The following GRIN2A variants were observed in gnomAD, a reference collection of about 807,000 sequenced individuals.
GRIN2A encodes glutamate receptor ionotropic, NMDA 2A.
In GRIN2A, 22 loss-of-function variants were observed where a neutral mutation model predicts 113.4. That is an observed-to-expected ratio of 0.19 (90% CI 0.14 to 0.28). The LOEUF is 0.28. GRIN2A is among the 10% of genes least tolerant of loss of function. GRIN2A has a pLI of 1.00. For synonymous variants in GRIN2A, 827 were observed against 738.4 expected (o/e 1.12, Z -1.94); for missense variants, 1,502 against 1,887.0 (o/e 0.80, Z 3.78).
intron 8 of GRIN2A, among the ~76,000 whole-genome samples, chr16:9,832,991 T>A (rs560676805): frequency 2.6e-5 from 4 of 152,208 alleles, no homozygotes; most frequent in Non-Finnish European, 5.9e-5. Flanking sequence ...TATGTATCCA[T>A]CACATTAAAG....
intron 2 of GRIN2A, among the ~76,000 whole-genome samples, chr16:10,096,858 A>G (rs2048304016): frequency 6.6e-6 from 1 of 152,142 alleles, no homozygotes; most frequent in Admixed American, 6.6e-5. Flanking sequence ...CATCACTCTC[A>G]AGCCACATTC....
intron 4 of GRIN2A, among the ~76,000 whole-genome samples, chr16:9,856,624 C>CAAAA (rs1178111932): frequency 7.3e-5 from 4 of 54,802 alleles, no homozygotes; most frequent in African/African-American, 1.8e-4. Context: ...GACTCCATCT[C>CAAAA]AAAAAAAAAA....
rs987369767 is a variant in GRIN2A at position 10,147,446 on chromosome 16, C to T, written c.414+32552G>A. Among the ~76,000 whole-genome samples the T allele has an allele frequency of 1.4e-4, 8 of 56,714 alleles. No homozygotes were observed. The Admixed American group carries it at 1.9e-3, about 14-fold the overall frequency. 37.2% of individuals were successfully genotyped at this position (56,714 alleles called of 152,430 possible). On this transcript the variant is annotated intron_variant, in intron 2 of 12. Coordinates refer to ENST00000330684, the MANE Select transcript of GRIN2A (RefSeq NM_001134407.3). The stretch of plus-strand genomic sequence containing the variant: ...GCAACATGGTGAAACACCGTCTCTA[C>T]TAAAAATACAAAAAAAAAAAAAAAA...
At chr16:10,141,777 G>T (rs1441735278) in intron 2 of GRIN2A, among the ~76,000 whole-genome samples, 1 of 152,194 alleles carries the variant, frequency 6.6e-6, no homozygotes, top group African/African-American at 2.4e-5. Flanking sequence ...GAGGTAAATA[G>T]GCCAAGGGCT....
chr16:9,794,929 AG>A (rs1902874957), intron 11 of GRIN2A, among the ~76,000 whole-genome samples: 1 of 152,156 alleles, frequency 6.6e-6, no homozygotes, highest in East Asian at 1.9e-4. Context: ...GAGAAGGAGA[AG>A]GATGAAGAGG....
intron 2 of GRIN2A, chr16:9,970,756 C>T: frequency 1.0e-6 from 1 of 970,078 alleles, no homozygotes; most frequent in South Asian, 4.8e-5. Flanking sequence ...AAGAAAATTA[C>T]AGGCTGGTAA....
chr16:10,034,438 G>C (rs1958677290), intron 2 of GRIN2A, among the ~76,000 whole-genome samples: 1 of 148,302 alleles, frequency 6.7e-6, no homozygotes, highest in Non-Finnish European at 1.5e-5. Flanking sequence ...GGCAGGAGAA[G>C]TGCTTGAACC....
chr16:10,174,524 CAG>C (rs1353915248), intron 2 of GRIN2A, among the ~76,000 whole-genome samples: 1 of 152,162 alleles, frequency 6.6e-6, no homozygotes. Context: ...CTAGAGCAAT[CAG>C]AGAAGAACTT....
At chr16:10,057,346 T>C (rs1388631617) in intron 2 of GRIN2A, among the ~76,000 whole-genome samples, 1 of 152,216 alleles carries the variant, frequency 6.6e-6, no homozygotes, top group Admixed American at 6.5e-5. Flanking sequence ...TAGGTATTCC[T>C]GCCACTTGTA....
At chr16:10,020,074 G>T (rs540746227) in intron 2 of GRIN2A, among the ~76,000 whole-genome samples, 67 of 152,158 alleles carry the variant, frequency 4.4e-4, no homozygotes, top group Non-Finnish European at 7.5e-4. Context: ...TTATTTGTCA[G>T]TTAAACCTCA....
chr16:10,072,572 G>A (rs189325598), intron 2 of GRIN2A, among the ~76,000 whole-genome samples: 28 of 152,266 alleles, frequency 1.8e-4, no homozygotes, highest in Non-Finnish European at 2.8e-4. Context: ...ATGCAGTCAA[G>A]TTTGAGAACC....
At chr16:9,967,743 G>A (rs563038936) in intron 2 of GRIN2A, among the ~76,000 whole-genome samples, 17 of 151,926 alleles carry the variant, frequency 1.1e-4, no homozygotes, top group Non-Finnish European at 2.4e-4. Context: ...GGGACTTAGG[G>A]GTAGGGAAAG....
At chr16:9,866,365 C>T (rs1024350578) in intron 4 of GRIN2A, among the ~76,000 whole-genome samples, 2 of 152,016 alleles carry the variant, frequency 1.3e-5, no homozygotes, top group African/African-American at 4.8e-5. Context: ...GAACAGCATG[C>T]ACAAAAGCTT....
chr16:9,893,684 C>T (rs1183893631), intron 3 of GRIN2A, among the ~76,000 whole-genome samples: 2 of 152,110 alleles, frequency 1.3e-5, no homozygotes, highest in African/African-American at 2.4e-5. Context: ...CCAGGCTGGT[C>T]CCGAACTCCT....
chr16:9,890,852 G>C, intron 4 of GRIN2A, 134 bp downstream of exon 4: 2 of 687,900 alleles, frequency 2.9e-6, no homozygotes, highest in Middle Eastern at 3.5e-4. Flanking sequence ...TTGCAAGAAA[G>C]ACGTGCTCTT....
intron 2 of GRIN2A, among the ~76,000 whole-genome samples, chr16:10,038,019 C>T (rs2047066652): frequency 6.6e-6 from 1 of 152,298 alleles, no homozygotes; most frequent in East Asian, 1.9e-4. Flanking sequence ...CCCTGGAATG[C>T]TTTTCTGCCT....
chr16:10,139,058 T>C (rs2049265870), intron 2 of GRIN2A, among the ~76,000 whole-genome samples: 1 of 152,174 alleles, frequency 6.6e-6, no homozygotes, highest in African/African-American at 2.4e-5. Flanking sequence ...ACCAGTCGTG[T>C]GTGAAATGCC....
intron 3 of GRIN2A, among the ~76,000 whole-genome samples, chr16:9,934,675 G>C (rs2044669755): frequency 3.7e-5 from 1 of 26,736 alleles, no homozygotes; most frequent in Non-Finnish European, 6.7e-5. Flanking sequence ...GCGAGACTCT[G>C]TCTAAAAAAA....
chr16:9,795,012 CATGATG>C (rs144855272), intron 11 of GRIN2A, among the ~76,000 whole-genome samples: 13 of 151,290 alleles, frequency 8.6e-5, no homozygotes, highest in East Asian at 7.8e-4. Context: ...TGGCAATGGT[CATGATG>C]ATGATGATGA....
Sources: allele counts gnomAD v4.1 joint callset (sites outside exome capture counted in the v4.1 genomes callset), GRCh38; gene constraint gnomAD v4.1.1; transcripts MANE v1.5; gene names NCBI Gene and HGNC (gene_info 2026-07-23, HGNC 2026-07-21).